Variants in SYNRG observed in about 807,000 individuals in gnomAD.
SYNRG encodes AP1 gamma subunit binding protein 1.
A neutral mutation model predicts 130.9 loss-of-function variants in SYNRG; 37 were observed. That is an observed-to-expected ratio of 0.28 (90% CI 0.22 to 0.37). The LOEUF is 0.37. SYNRG is among the 10% of genes least tolerant of loss of function. The pLI, the probability that SYNRG is intolerant of heterozygous loss-of-function variation, is 1.00. For missense variants in SYNRG, 1,338 were observed against 1,588.9 expected, an observed-to-expected ratio of 0.84 and a Z score of 2.68; for synonymous variants, 539 against 568.1, an observed-to-expected ratio of 0.95 and a Z score of 0.73.
chr17:37,589,290 G>A (rs1328613331), intron 3 of SYNRG, among the ~76,000 whole-genome samples: 1 of 151,600 alleles, frequency 6.6e-6, no homozygotes, highest in Non-Finnish European at 1.5e-5. Context: ...CATACTACCA[G>A]GTATCAATGC....
chr17:37,568,357 G>T (rs2060152126), intron 11 of SYNRG: 1 of 153,564 alleles, frequency 6.5e-6, no homozygotes, highest in Non-Finnish European at 1.4e-5. Flanking sequence ...AAATATACAA[G>T]AAATGTGAAT....
chr17:37,586,460 C>T lies in SYNRG; in HGVS notation c.330G>A (p.Gln110=), dbSNP rs2146511138. 6.2e-7 allele frequency: 1 copy of T among 1,614,170 alleles called. No individual in the cohort carries two copies. The highest frequency in any genetic ancestry group is 1.1e-5 in the South Asian group (1 of 91,084). Residue 110 remains glutamine (Q), a synonymous_variant, in exon 4 of 22, where the codon CAG becomes CAA. Transcript: ENST00000612223. ...PFLGMRPPGP[Q]YTPDMQKQFA... ...ACTGCTTCTGCATGTCTGGAGTGTA[C>T]TGTGGGCCTGGAGGACGCATGCCCA...
chr17:37,570,203 T>C (rs1472093562), intron 10 of SYNRG, among the ~76,000 whole-genome samples: 2 of 146,606 alleles, frequency 1.4e-5, no homozygotes, highest in Non-Finnish European at 3.0e-5. Context: ...AGGAGTGCAA[T>C]GGTGTGATCG....
At chr17:37,586,632 A>G in intron 3 of SYNRG, 83 bp from the exon 4 acceptor site, 1 of 1,471,538 alleles carries the variant, frequency 6.8e-7, no homozygotes, top group East Asian at 2.3e-5. Context: ...CATAAATTCT[A>G]TCTTAATACT....
intron 3 of SYNRG, among the ~76,000 whole-genome samples, chr17:37,587,886 C>T (rs1269762501): frequency 6.6e-6 from 1 of 152,228 alleles, no homozygotes; most frequent in Non-Finnish European, 1.5e-5. Context: ...CATCCCGACA[C>T]TTGACCACCA....
chr17:37,522,590 C>T (rs1341301702), intron 19 of SYNRG, among the ~76,000 whole-genome samples: 1 of 151,828 alleles, frequency 6.6e-6, no homozygotes, highest in African/African-American at 2.4e-5. Context: ...GCCTCAGCCT[C>T]CTGAGTAGCT....
At chr17:37,570,235 T>C (rs1286157026) in intron 10 of SYNRG, among the ~76,000 whole-genome samples, 1 of 150,402 alleles carries the variant, frequency 6.6e-6, no homozygotes, top group African/African-American at 2.5e-5. Flanking sequence ...CACTGCAGAC[T>C]TGAACTCCTG....
intron 19 of SYNRG, among the ~76,000 whole-genome samples, chr17:37,528,345 C>T (rs2056206813): frequency 6.6e-6 from 1 of 152,118 alleles, no homozygotes; most frequent in South Asian, 2.1e-4. Context: ...CTTATAAGGA[C>T]TCATCATGTG....
rs749528065 is a variant in SYNRG, at chr17:37,586,541, T to C, written c.249A>G (p.Ile83Met). The C allele has an allele frequency of 2.5e-6, 4 of 1,614,114 alleles. No individual in the cohort carries two copies. The highest frequency in any genetic ancestry group is 3.4e-6 in the Non-Finnish European group (4 of 1,179,996). ...SQGPIAMQAG[I>M]PMGPMPAAGM... The stretch of plus-strand genomic sequence containing the variant: ...CCGCTGCTGGCATTGGTCCCATTGG[T>C]ATTCCTGCCTAGAAGAAACAGACAA... Residue 83 changes from isoleucine (I) to methionine (M), a missense_variant, in exon 4 of 22, where the codon ATA becomes ATG. Physicochemically the swap from Ile to Met is conservative, Grantham distance 10. This residue lies in a region of SYNRG where 184 missense variants were observed against 217.2 expected (regional missense o/e 0.85). Coordinates refer to ENST00000612223, the MANE Select transcript of SYNRG (RefSeq NM_007247.6).
At chr17:37,539,382 T>C (rs550553889) in intron 16 of SYNRG, 137 bp from the exon 17 acceptor site, 25 of 900,074 alleles carry the variant, frequency 2.8e-5, no homozygotes, top group South Asian at 1.8e-4. Context: ...ATGTTTTTTT[T>C]GTTTTTGTTT....
intron 21 of SYNRG, among the ~76,000 whole-genome samples, chr17:37,519,660 G>A (rs2074411): frequency 0.099 from 15,099 of 151,900 alleles, 806 homozygotes; most frequent in East Asian, 0.2. Flanking sequence ...AAAATGCCTC[G>A]AAATGAATGG....
At chr17:37,565,733 G>A (rs796402846) in intron 11 of SYNRG, among the ~76,000 whole-genome samples, 259 of 125,486 alleles carry the variant, frequency 2.1e-3, no homozygotes, top group African/African-American at 7.6e-3. Flanking sequence ...CTGCCCGGCC[G>A]CGACCCTGTC....
At chr17:37,540,673 C>T (rs1036190937) in intron 15 of SYNRG, 130 bp from the exon 16 acceptor site, 15 of 1,033,708 alleles carry the variant, frequency 1.5e-5, no homozygotes, top group African/African-American at 3.7e-5. Context: ...CTTGCTCTGT[C>T]GCTCAGACTG....
rs1014021544 is a variant in SYNRG at position 37,559,725 on chromosome 17, G to A, written c.1663+1470C>T. On this transcript the variant is annotated intron_variant, in intron 13 of 21. Transcript: ENST00000612223. The stretch of plus-strand genomic sequence containing the variant: ...AGACTAGTTGCTGCCTTTACAGTCC[G>A]CAGATTGCTGTACTGCTAATACTTC... Among the ~76,000 whole-genome samples the A allele has an allele frequency of 5.3e-5, 8 of 152,166 alleles. No individual in the cohort carries two copies. The East Asian group carries it at 5.8e-4, about 11-fold the overall frequency.
intron 1 of SYNRG, chr17:37,600,671 T>C: frequency 1.8e-6 from 1 of 562,004 alleles, no homozygotes; most frequent in Non-Finnish European, 3.2e-6. Context: ...TGGATTCCAG[T>C]TTCCCCATCT....
Position 37,609,365 on chromosome 17 carries a change from G to C in SYNRG, c.-10C>G. On this transcript the variant is annotated 5_prime_UTR_variant, in exon 1 of 22. Transcript: ENST00000612223. ...CTGGCCGCAGCGCCATCTTGCTCCC[G>C]ACCTGCCGCTGCCTTCGCCGCCGCC... 1 of 1,424,026 alleles carries C rather than the reference G, an allele frequency of 7.0e-7. No individual in the cohort carries two copies. The highest frequency in any genetic ancestry group is 9.1e-7 in the Non-Finnish European group (1 of 1,093,948). 88.2% of individuals were successfully genotyped at this position (1,424,026 alleles called of 1,614,324 possible).
At chr17:37,551,517 G>T (rs976750987) in intron 14 of SYNRG, among the ~76,000 whole-genome samples, 1 of 151,908 alleles carries the variant, frequency 6.6e-6, no homozygotes, top group African/African-American at 2.4e-5. Context: ...TAACAGGTCA[G>T]TAAGAACAAG....
chr17:37,546,970 C>T (rs1312040081), intron 14 of SYNRG, among the ~76,000 whole-genome samples: 1 of 152,168 alleles, frequency 6.6e-6, no homozygotes, highest in African/African-American at 2.4e-5. Flanking sequence ...CAGTCATATT[C>T]ATATTCTCTA....
At chr17:37,589,263 AAAG>A (rs1224004057) in intron 3 of SYNRG, among the ~76,000 whole-genome samples, 2 of 152,222 alleles carry the variant, frequency 1.3e-5, no homozygotes, top group Admixed American at 1.3e-4. Context: ...TAATTCTGTA[AAAG>A]AAGAAGGATG....
Sources: gnomAD v4.1 joint callset for allele counts (sites outside exome capture counted in the v4.1 genomes callset) on GRCh38, gnomAD v4.1.1 for gene constraint, gnomAD v4.1.1 regional missense constraint, MANE v1.5 for transcripts, NCBI Gene and HGNC (gene_info 2026-07-23, HGNC 2026-07-21) for gene names.